The following WDFY3 variants were observed in gnomAD, a reference collection of about 807,000 sequenced individuals.
WDFY3 encodes WD repeat and FYVE domain-containing protein 3.
A neutral mutation model predicts 409.6 loss-of-function variants in WDFY3; 66 were observed. The ratio of observed to expected loss-of-function variants is 0.16; its 90% CI spans 0.13 to 0.20. The LOEUF (loss-of-function observed/expected upper bound fraction) is 0.20. WDFY3 is among the 10% of genes least tolerant of loss of function. The pLI is 1.00. For synonymous variants in WDFY3, 1,521 were observed against 1,537.1 expected (o/e 0.99, Z 0.25); for missense variants, 3,031 against 4,298.1 (o/e 0.71, Z 8.24).
At position 84,951,590 on chromosome 4, in the gene WDFY3, C is replaced by CTA. The variant is rs1192328796; in HGVS notation, c.-226+14617_-226+14618dup. Among the ~76,000 whole-genome samples the CTA allele has an allele frequency of 1.8e-4, 27 of 152,166 alleles. 1 individual carries two copies. The highest frequency in any genetic ancestry group is 1.8e-3 in the Admixed American group (27 of 15,274). ...ATATCTCAACAACATGCCACACATG[C>CTA]TATATAGTAAAATCACTTCTAAACT... On this transcript the variant is annotated intron_variant, in intron 1 of 67. Transcript: ENST00000295888.
intron 51 of WDFY3, among the ~76,000 whole-genome samples, chr4:84,712,276 C>T (rs760580127): frequency 6.6e-6 from 1 of 150,600 alleles, no homozygotes; most frequent in Non-Finnish European, 1.5e-5. Flanking sequence ...TGCTGAGAAT[C>T]GCTTGAGCCC....
intron 1 of WDFY3, among the ~76,000 whole-genome samples, chr4:84,939,582 A>T (rs1771858804): frequency 6.6e-6 from 1 of 152,072 alleles, no homozygotes; most frequent in South Asian, 2.1e-4. Context: ...TCCTCTATTC[A>T]TTCACTTATT....
rs1741594049 is a variant in WDFY3 at position 84,757,095 on chromosome 4, T to C, written c.5255A>G (p.His1752Arg). 1 of 1,613,990 alleles carries C rather than the reference T, an allele frequency of 6.2e-7. No individual in the cohort carries two copies. The highest frequency in any genetic ancestry group is 8.5e-7 in the Non-Finnish European group (1 of 1,179,964). The change falls in exon 33 of 68, where the codon CAT becomes CGT. Residue 1752 changes from histidine (H) to arginine (R), a missense_variant. This residue lies in a region of WDFY3 where 342 missense variants were observed against 463.7 expected (regional missense o/e 0.74). Transcript: ENST00000295888. ...CTGAAGGACTGGAAAACCAGGAAAA[T>C]GACAAGCATCTCGGTTAATCTCCCT... ...TVREINRDAC[H>R]FPGFPVLQSF...
In WDFY3 at chr4:84,797,643, C is replaced by T. The variant is rs930575405; in HGVS notation, c.2935+353G>A. Among the ~76,000 whole-genome samples, 5 of 151,874 alleles carry T rather than the reference C, an allele frequency of 3.3e-5. 1 individual carries two copies. The South Asian group carries it at 8.3e-4, about 25-fold the overall frequency. On this transcript the variant is annotated intron_variant, in intron 18 of 67. Coordinates refer to ENST00000295888, the MANE Select transcript of WDFY3 (RefSeq NM_014991.6). ...TCGCCCAGGCTGGAGTGCAGTGGCG[C>T]GATCTCGGCTCACTGCAAGCTCTGC...
intron 14 of WDFY3, 109 bp downstream of exon 14, chr4:84,809,778 A>G (rs1403717349): frequency 1.0e-6 from 1 of 966,526 alleles, no homozygotes; most frequent in Non-Finnish European, 1.5e-6. Flanking sequence ...AAATAGGAGA[A>G]GAGTCATCTG....
intron 67 of WDFY3, among the ~76,000 whole-genome samples, chr4:84,674,915 G>A (rs1320043886): frequency 6.6e-5 from 10 of 151,612 alleles, no homozygotes; most frequent in Non-Finnish European, 1.0e-4. Context: ...TATGTCTAGC[G>A]GCTCTGTGCT....
chr4:84,774,213 T>G (rs1208447775), intron 29 of WDFY3, among the ~76,000 whole-genome samples: 3 of 152,314 alleles, frequency 2.0e-5, no homozygotes, highest in African/African-American at 7.2e-5. Context: ...TGAAAAATAT[T>G]CAATTGTGTA....
chr4:84,679,870 G>A (rs1039616905), intron 64 of WDFY3, among the ~76,000 whole-genome samples: 2 of 149,546 alleles, frequency 1.3e-5, no homozygotes, highest in African/African-American at 2.5e-5. Flanking sequence ...ACACACGTAC[G>A]TGTGTATATA....
intron 1 of WDFY3, among the ~76,000 whole-genome samples, chr4:84,960,178 A>G (rs1260516018): frequency 6.6e-6 from 1 of 152,156 alleles, no homozygotes; most frequent in Non-Finnish European, 1.5e-5. Context: ...TATTCCTGAT[A>G]TGTTTGCTAT....
chr4:84,795,800 G>C (rs1339198555), intron 19 of WDFY3, among the ~76,000 whole-genome samples: 1 of 151,612 alleles, frequency 6.6e-6, no homozygotes, highest in Non-Finnish European at 1.5e-5. Flanking sequence ...ATAGCTAACA[G>C]ATCTAGCTAC....
intron 13 of WDFY3, among the ~76,000 whole-genome samples, chr4:84,814,554 G>A (rs968737367): frequency 5.9e-5 from 9 of 152,058 alleles, no homozygotes; most frequent in African/African-American, 1.9e-4. Context: ...ACACCACTGT[G>A]ACTCATCCCT....
At chr4:84,846,488 TAG>T (rs1349051109) in intron 5 of WDFY3, among the ~76,000 whole-genome samples, 1 of 151,744 alleles carries the variant, frequency 6.6e-6, no homozygotes, top group Non-Finnish European at 1.5e-5. Context: ...TAAAGGGAGT[TAG>T]GAAAACAAAT....
intron 3 of WDFY3, among the ~76,000 whole-genome samples, chr4:84,878,971 A>C (rs926903953): frequency 6.6e-6 from 1 of 152,352 alleles, no homozygotes; most frequent in East Asian, 1.9e-4. Context: ...TGCCGACTTC[A>C]GTTTTTACTC....
chr4:84,680,749 A>T (rs1727216186), intron 64 of WDFY3, among the ~76,000 whole-genome samples: 1 of 152,234 alleles, frequency 6.6e-6, no homozygotes, highest in African/African-American at 2.4e-5. Context: ...CAATATCGCA[A>T]CTATTTACAC....
At chr4:84,873,890 C>T (rs1251955899) in intron 3 of WDFY3, among the ~76,000 whole-genome samples, 1 of 151,792 alleles carries the variant, frequency 6.6e-6, no homozygotes, top group African/African-American at 2.4e-5. Flanking sequence ...TTAGGTAATT[C>T]TCCTGTCTCG....
In WDFY3 at chr4:84,753,874, A is replaced by C. The variant is rs762275240; in HGVS notation, c.5562T>G (p.Pro1854=). ...AAGATCCCTCTTCTTCTGATTGCCA[A>C]GGCTGTTATGGGGACATGAGAGGAA... ...LGMLRSMLTS[P]WQSEEEGSWL... Residue 1854 remains proline, a splice_region_variant and synonymous_variant, in exon 35 of 68, where the codon CCT becomes CCG. Coordinates refer to ENST00000295888, the MANE Select transcript of WDFY3 (RefSeq NM_014991.6). The C allele has an allele frequency of 2.5e-6, 4 of 1,588,390 alleles. No homozygotes were observed. Among genetic ancestry groups the C allele is most frequent in the Non-Finnish European group, 3.4e-6 (4 of 1,169,656 alleles).
chr4:84,836,374 CATG>C (rs1756574745), intron 7 of WDFY3, among the ~76,000 whole-genome samples: 1 of 152,064 alleles, frequency 6.6e-6, no homozygotes, highest in Non-Finnish European at 1.5e-5. Flanking sequence ...GGATATCATA[CATG>C]ATGACTATAT....
At chr4:84,764,599 C>T (rs558479929) in intron 32 of WDFY3, among the ~76,000 whole-genome samples, 14 of 152,118 alleles carry the variant, frequency 9.2e-5, no homozygotes, top group African/African-American at 2.9e-4. Context: ...CAGTGGCTCA[C>T]GCCTGTAATC....
chr4:84,709,053 T>C (rs1050395142), intron 52 of WDFY3, 25 bp from the exon 53 acceptor site: 1 of 1,612,596 alleles, frequency 6.2e-7, no homozygotes, highest in Non-Finnish European at 8.5e-7. Flanking sequence ...ATATTCATTT[T>C]TGAGCTATCG....
Sources: allele counts gnomAD v4.1 joint callset (sites outside exome capture counted in the v4.1 genomes callset), GRCh38; gene constraint gnomAD v4.1.1; regional missense constraint gnomAD v4.1.1; transcripts MANE v1.5; gene names NCBI Gene and HGNC (gene_info 2026-07-23, HGNC 2026-07-21).